The following MADD variants were observed in gnomAD, a reference collection of about 807,000 sequenced individuals.
MADD encodes MAP kinase-activating death domain protein.
A neutral mutation model predicts 176.7 loss-of-function variants in MADD; 109 were observed. The observed-to-expected ratio is 0.62, with a 90% CI of 0.53 to 0.72. The LOEUF (loss-of-function observed/expected upper bound fraction) is 0.72, where lower values mean the gene tolerates loss of function less well. MADD is among the 30% of genes least tolerant of loss of function. The probability of loss-of-function intolerance (pLI) is 0.00; values close to 1 mark genes in which losing one functional copy is unlikely to be tolerated. For synonymous variants in MADD, 771 were observed against 771.3 expected (o/e 1.00, Z 0.01); for missense variants, 1,914 against 2,045.5 (o/e 0.94, Z 1.24).
chr11:47,315,180 G>C, intron 26 of MADD, 40 bp from the exon 30 acceptor site: 1 of 1,234,130 alleles, frequency 8.1e-7, no homozygotes, highest in African/African-American at 1.5e-5. Flanking sequence ...CCCTCTGAGA[G>C]GGATGTATGA....
intron 13 of MADD, 62 bp downstream of exon 13, chr11:47,285,256 G>C (rs2059796113): frequency 1.3e-6 from 2 of 1,585,724 alleles, no homozygotes; most frequent in East Asian, 4.5e-5. Flanking sequence ...GTGGACCCTG[G>C]GCAAGGGTTA....
intron 20 of MADD, 67 bp from the exon 23 acceptor site, chr11:47,295,429 C>A: frequency 7.8e-7 from 1 of 1,282,644 alleles, no homozygotes; most frequent in Non-Finnish European, 1.1e-6. Context: ...GAAAAAGGTA[C>A]AGTATTTCTG....
intron 19 of MADD, among the ~76,000 whole-genome samples, chr11:47,292,327 G>A (rs755334228): frequency 1.3e-4 from 20 of 152,138 alleles, no homozygotes; most frequent in Non-Finnish European, 2.8e-4. Context: ...CATTGGGATT[G>A]GAATTAGAAA....
At chr11:47,282,335 T>C in intron 8 of MADD, 46 bp from the exon 9 acceptor site, 3 of 1,532,176 alleles carry the variant, frequency 2.0e-6, no homozygotes, top group Non-Finnish European at 2.7e-6. Context: ...ATCATGGGAA[T>C]CCTTACCCTA....
At chr11:47,296,840 C>G (rs1232275664) in intron 22 of MADD, among the ~76,000 whole-genome samples, 1 of 148,054 alleles carries the variant, frequency 6.8e-6, no homozygotes, top group Non-Finnish European at 1.5e-5. Flanking sequence ...AGTCACTGCT[C>G]AACTGCTCAC....
chr11:47,279,381 C>CT (rs34428529), intron 7 of MADD, among the ~76,000 whole-genome samples: 27,667 of 116,818 alleles, frequency 0.24, 4,835 homozygotes, highest in East Asian at 0.6. Context: ...TTTTCTCAGT[C>CT]TTTTTTTTTT....
At chr11:47,277,165 G>A (rs2136528250) in intron 5 of MADD, among the ~76,000 whole-genome samples, 1 of 152,344 alleles carries the variant, frequency 6.6e-6, no homozygotes, top group South Asian at 2.1e-4. Flanking sequence ...CCCACCAGTG[G>A]ATGCCTCAAA....
chr11:47,308,037 C>T (rs2084492547), intron 22 of MADD, among the ~76,000 whole-genome samples: 1 of 152,176 alleles, frequency 6.6e-6, no homozygotes, highest in South Asian at 2.1e-4. Context: ...TTTTTAGGGT[C>T]AGTAAGAGTT....
intron 13 of MADD, 73 bp from the exon 14 acceptor site, chr11:47,285,378 G>T: frequency 6.3e-7 from 1 of 1,598,678 alleles, no homozygotes; most frequent in South Asian, 1.1e-5. Flanking sequence ...CTGTAGTATA[G>T]CATAATTATG....
intron 28 of MADD, 87 bp downstream of exon 31, chr11:47,323,922 C>T (rs923081933): frequency 2.8e-6 from 4 of 1,430,184 alleles, no homozygotes; most frequent in African/African-American, 1.4e-5. Context: ...AATTCCAAAA[C>T]ACACATCTGG....
chr11:47,284,391 A>G, exon 12 of MADD: 2 of 1,614,168 alleles, frequency 1.2e-6, no homozygotes, highest in Non-Finnish European at 1.7e-6. Flanking sequence ...ACCCTCTGAC[A>G]CATGCAGCAC....
chr11:47,274,030 T>G (rs1483538329), intron 2 of MADD, 54 bp downstream of exon 2: 2 of 1,516,878 alleles, frequency 1.3e-6, no homozygotes. Flanking sequence ...CCATAAAATC[T>G]GCAGTTGTTC....
chr11:47,289,126 C>A, intron 15 of MADD, 99 bp downstream of exon 16: 1 of 1,191,108 alleles, frequency 8.4e-7, no homozygotes, highest in Non-Finnish European at 1.2e-6. Context: ...AGCAGCGTCA[C>A]ATGAGTGACC....
chr11:47,284,903 G>A (rs758145938), intron 12 of MADD, 38 bp from the exon 13 acceptor site: 2 of 1,609,302 alleles, frequency 1.2e-6, no homozygotes, highest in Admixed American at 3.3e-5. Context: ...GTACCATTGG[G>A]CACCAGGTAA....
At chr11:47,292,563 G>A (rs768227528) in intron 19 of MADD, 1 of 1,614,012 alleles carries the variant, frequency 6.2e-7, no homozygotes, top group South Asian at 1.1e-5. Context: ...CAAGCACCAG[G>A]AAGTGAAAAA....
intron 16 of MADD, 57 bp from the exon 18 acceptor site, chr11:47,289,810 T>G: frequency 1.3e-6 from 2 of 1,580,972 alleles, no homozygotes; most frequent in Non-Finnish European, 1.7e-6. Context: ...GGGTGAAAGG[T>G]GGGGGGTGCT....
At chr11:47,282,313 C>A in intron 8 of MADD, 68 bp from the exon 9 acceptor site, 1 of 1,350,050 alleles carries the variant, frequency 7.4e-7, no homozygotes, top group Non-Finnish European at 1.1e-6. Flanking sequence ...GGGAGGTGTT[C>A]TAAGACTTTG....
chr11:47,273,624 C>T (rs1039307818), intron 1 of MADD, among the ~76,000 whole-genome samples: 1 of 102,990 alleles, frequency 9.7e-6, no homozygotes, highest in Non-Finnish European at 2.6e-5. Flanking sequence ...GCGTGAGCCA[C>T]CATGCCTGGC....
At chr11:47,281,893 G>A (rs958060778) in intron 8 of MADD, 140 bp downstream of exon 8, 7 of 450,628 alleles carry the variant, frequency 1.6e-5, no homozygotes, top group African/African-American at 2.8e-5. Flanking sequence ...GGAGTGCAAT[G>A]GCATAATCTC....
Sources: gnomAD v4.1 joint callset for allele counts (sites outside exome capture counted in the v4.1 genomes callset) on GRCh38, gnomAD v4.1.1 for gene constraint, MANE v1.5 for transcripts, NCBI Gene and HGNC (gene_info 2026-07-23, HGNC 2026-07-21) for gene names.